PDILT: variants seen among roughly 807,000 people sequenced by gnomAD.
The protein encoded by PDILT is protein disulfide-isomerase-like protein of the testis.
PDILT carries 43 observed loss-of-function variants against 53.7 expected under a neutral mutation model. The ratio of observed to expected loss-of-function variants is 0.80; its 90% CI spans 0.63 to 1.03. PDILT has a LOEUF of 1.03. PDILT is among the 50% of genes least tolerant of loss of function. The pLI, the probability that PDILT is intolerant of heterozygous loss-of-function variation, is 0.00. For synonymous variants in PDILT, 282 were observed against 274.2 expected (o/e 1.03, Z -0.28); for missense variants, 727 against 712.3 (o/e 1.02, Z -0.24).
chr16:20,399,455 GC>G, intron 1 of PDILT, 148 bp from the exon 2 acceptor site: 1 of 819,320 alleles, frequency 1.2e-6, no homozygotes, highest in Non-Finnish European at 1.9e-6. Flanking sequence ...CTTGGCAGCA[GC>G]CCTGGAGAAG....
At chr16:20,370,366 TAG>T (rs1163340118) in intron 7 of PDILT, among the ~76,000 whole-genome samples, 1 of 152,152 alleles carries the variant, frequency 6.6e-6, no homozygotes, top group African/African-American at 2.4e-5. Context: ...GGCAATGTGA[TAG>T]AGAGTAACTG....
chr16:20,395,874 T>C (rs12921916), intron 2 of PDILT, among the ~76,000 whole-genome samples: 35,088 of 152,128 alleles, frequency 0.23, 4,417 homozygotes, highest in South Asian at 0.3. Context: ...CCTTCCACCA[T>C]GAGTAGAAGC....
intron 9 of PDILT, among the ~76,000 whole-genome samples, chr16:20,365,071 T>C (rs1966169984): frequency 6.6e-6 from 1 of 152,160 alleles, no homozygotes; most frequent in Non-Finnish European, 1.5e-5. Flanking sequence ...TTCAAAAGGA[T>C]GTCGTTAGGA....
chr16:20,361,479 C>T (rs1000061660), intron 10 of PDILT, among the ~76,000 whole-genome samples: 2 of 152,078 alleles, frequency 1.3e-5, no homozygotes, highest in African/African-American at 2.4e-5. Context: ...ACACCACGCC[C>T]GACTCCCTTT....
At chr16:20,397,055 T>A (rs12446492) in intron 2 of PDILT, among the ~76,000 whole-genome samples, 73,477 of 152,142 alleles carry the variant, frequency 0.48, 18,311 homozygotes, top group East Asian at 0.81. Flanking sequence ...TTATTACGCA[T>A]CAGTCACTGT....
At chr16:20,380,503 A>G (rs148537669) in intron 3 of PDILT, among the ~76,000 whole-genome samples, 3,258 of 151,818 alleles carry the variant, frequency 0.021, 111 homozygotes, top group African/African-American at 0.074. Context: ...CACCCAGCTA[A>G]TTTTTTGTAT....
At chr16:20,396,824 G>A (rs1490511534) in intron 2 of PDILT, among the ~76,000 whole-genome samples, 3 of 152,186 alleles carry the variant, frequency 2.0e-5, no homozygotes, top group African/African-American at 7.2e-5. Context: ...CACTCATAGA[G>A]CCCACCCATT....
At chr16:20,381,209 C>A (rs1175948208) in intron 3 of PDILT, among the ~76,000 whole-genome samples, 1 of 152,212 alleles carries the variant, frequency 6.6e-6, no homozygotes, top group African/African-American at 2.4e-5. Context: ...CCTGCAAGGA[C>A]TAAATCCCAC....
chr16:20,365,374 T>C (rs1966173881), intron 9 of PDILT, 46 bp downstream of exon 9: 3 of 1,603,138 alleles, frequency 1.9e-6, no homozygotes, highest in African/African-American at 1.3e-5. Flanking sequence ...ACTTGAAACA[T>C]AATTTTGGCA....
chr16:20,373,192 A>G, intron 5 of PDILT, 70 bp from the exon 6 acceptor site: 1 of 1,266,148 alleles, frequency 7.9e-7, no homozygotes, highest in Non-Finnish European at 1.1e-6. Flanking sequence ...AAATATAAAT[A>G]GCACAATTTT....
At chr16:20,363,090 A>G (rs1363955558) in intron 9 of PDILT, among the ~76,000 whole-genome samples, 1 of 150,248 alleles carries the variant, frequency 6.7e-6, no homozygotes, top group African/African-American at 2.4e-5. Flanking sequence ...AAAAAAAAAA[A>G]AGGAAGAAAG....
At chr16:20,392,585 G>C (rs752629160) in intron 2 of PDILT, among the ~76,000 whole-genome samples, 1 of 152,176 alleles carries the variant, frequency 6.6e-6, no homozygotes, top group Non-Finnish European at 1.5e-5. Context: ...ACTTTAGAAG[G>C]CCGGCTAGTT....
chr16:20,395,032 G>A (rs188748264), intron 2 of PDILT, among the ~76,000 whole-genome samples: 1 of 152,026 alleles, frequency 6.6e-6, no homozygotes, highest in East Asian at 1.9e-4. Flanking sequence ...GAGTATTAAA[G>A]TGGGTAATAC....
chr16:20,374,815 A>C lies in PDILT; in HGVS notation c.681+7T>G. ...ACCTCTCACTAGCAATAGGATCAAA[A>C]TCCTACCTTTTTGAACACCAGGACG... On this transcript the variant is annotated splice_region_variant and intron_variant, in intron 5 of 11. Transcript: ENST00000302451. 1 of 1,610,464 alleles carries C rather than the reference A, an allele frequency of 6.2e-7. No individual in the cohort carries two copies. The highest frequency in any genetic ancestry group is 8.5e-7 in the Non-Finnish European group (1 of 1,178,548).
intron 1 of PDILT, among the ~76,000 whole-genome samples, chr16:20,399,762 G>A (rs1388065146): frequency 1.4e-5 from 2 of 142,092 alleles, no homozygotes; most frequent in Non-Finnish European, 3.0e-5. Context: ...GAATGCCCCT[G>A]TGAAGGGAAG....
At chr16:20,378,921 T>C (rs760192001) in intron 3 of PDILT, among the ~76,000 whole-genome samples, 6 of 152,212 alleles carry the variant, frequency 3.9e-5, no homozygotes, top group Non-Finnish European at 7.3e-5. Flanking sequence ...GCCACAGTTT[T>C]TCATGTACTT....
At chr16:20,365,988 G>A (rs1966185986) in intron 8 of PDILT, among the ~76,000 whole-genome samples, 1 of 151,550 alleles carries the variant, frequency 6.6e-6, no homozygotes, top group South Asian at 2.1e-4. Flanking sequence ...TACTCAGGAG[G>A]CTGAGGCAAG....
intron 1 of PDILT, among the ~76,000 whole-genome samples, chr16:20,402,857 G>A (rs913366664): frequency 3.3e-5 from 5 of 152,114 alleles, no homozygotes; most frequent in Non-Finnish European, 5.9e-5. Flanking sequence ...CCTGCCTGCA[G>A]CCTGCCCTGA....
chr16:20,380,535 A>G (rs1016196596), intron 3 of PDILT, among the ~76,000 whole-genome samples: 4 of 151,986 alleles, frequency 2.6e-5, no homozygotes, highest in African/African-American at 9.7e-5. Context: ...ATGGGGTTTC[A>G]CCATCTTGGC....
Sources: gnomAD v4.1 joint callset for allele counts (sites outside exome capture counted in the v4.1 genomes callset) on GRCh38, gnomAD v4.1.1 for gene constraint, MANE v1.5 for transcripts, NCBI Gene and HGNC (gene_info 2026-07-23, HGNC 2026-07-21) for gene names.